The following BRINP2 variants were observed in gnomAD, a reference collection of about 807,000 sequenced individuals.
The protein encoded by BRINP2 is BMP/retinoic acid inducible neural specific 2.
A neutral mutation model predicts 69.2 loss-of-function variants in BRINP2; 21 were observed. That is an observed-to-expected ratio of 0.30 (90% confidence interval 0.22 to 0.44). BRINP2 has a LOEUF of 0.44. BRINP2 is among the 20% of genes least tolerant of loss of function. BRINP2 has a pLI of 1.00. For missense variants in BRINP2, 877 were observed against 986.0 expected (o/e 0.89, Z 1.48); for synonymous variants, 380 against 394.1 (o/e 0.96, Z 0.42).
rs758819923 is a variant in BRINP2 at position 177,257,280 on chromosome 1, G to C, written c.565G>C (p.Val189Leu). ...IIGGSGNSTA[V>L]SLETLHQLAA... ...CGGGGGCAGTGGGAACAGCACAGCT[G>C]TGTCCCTGGAGACCCTGCACCAGCT... Residue 189 changes from valine (V) to leucine (L), a missense_variant, in exon 4 of 8, where the codon GTG becomes CTG. By Grantham distance (32) the Val-to-Leu change is conservative. Coordinates refer to ENST00000361539, the MANE Select transcript of BRINP2 (RefSeq NM_021165.4). The C allele has an allele frequency of 4.3e-6, 7 of 1,614,126 alleles. No homozygotes were observed. The Admixed American group carries it at 1.0e-4, about 23-fold the overall frequency.
chr1:177,214,054 T>C (rs545664680), intron 1 of BRINP2, among the ~76,000 whole-genome samples: 1 of 152,216 alleles, frequency 6.6e-6, no homozygotes, highest in Admixed American at 6.5e-5. Flanking sequence ...GCTCTTAATT[T>C]TGCACAAGGA....
At chr1:177,180,287 G>T (rs1262603995) in intron 1 of BRINP2, among the ~76,000 whole-genome samples, 1 of 152,162 alleles carries the variant, frequency 6.6e-6, no homozygotes, top group Non-Finnish European at 1.5e-5. Flanking sequence ...TTCCACCCTG[G>T]GTGGCTCTGA....
intron 1 of BRINP2, among the ~76,000 whole-genome samples, chr1:177,226,966 A>T (rs1291210971): frequency 1.3e-5 from 2 of 151,968 alleles, no homozygotes; most frequent in Non-Finnish European, 2.9e-5. Flanking sequence ...GGTCAGTTCC[A>T]CCCCGGGTAT....
chr1:177,219,271 C>T (rs1346170793), intron 1 of BRINP2, among the ~76,000 whole-genome samples: 2 of 152,182 alleles, frequency 1.3e-5, no homozygotes, highest in Non-Finnish European at 2.9e-5. Flanking sequence ...TGATTGCACC[C>T]CGTTGTCTCC....
At position 177,252,797 on chromosome 1, in the gene BRINP2, C is replaced by T. The variant is rs192732153; in HGVS notation, c.270-3122C>T. On this transcript the variant is annotated intron_variant, in intron 2 of 7. Coordinates refer to ENST00000361539, the MANE Select transcript of BRINP2 (RefSeq NM_021165.4). ...TTCCATGAGATCAACTTTTTTAGAC[C>T]TACATATGAGTGAGGTTATGTGGTA... 4.7e-4 allele frequency among the ~76,000 whole-genome samples: 72 copies of T among 152,206 alleles called. 1 individual carries two copies. The highest frequency in any genetic ancestry group is 1.9e-4 in the East Asian group (1 of 5,176).
At chr1:177,229,763 A>C (rs559868635) in intron 1 of BRINP2, 38 bp from the exon 2 acceptor site, 1 of 1,413,626 alleles carries the variant, frequency 7.1e-7, no homozygotes, top group Non-Finnish European at 9.5e-7. Context: ...ATGGGGTAAC[A>C]GGGTGCTCAA....
intron 1 of BRINP2, among the ~76,000 whole-genome samples, chr1:177,172,795 T>C (rs1458713786): frequency 6.6e-6 from 1 of 152,226 alleles, no homozygotes; most frequent in Non-Finnish European, 1.5e-5. Flanking sequence ...AACAAATGTT[T>C]TGTTAAAAGG....
chr1:177,269,332 G>A (rs1313307687), intron 4 of BRINP2, among the ~76,000 whole-genome samples: 1 of 152,232 alleles, frequency 6.6e-6, no homozygotes, highest in African/African-American at 2.4e-5. Flanking sequence ...GTGAAGGGTT[G>A]TATACATAGA....
intron 2 of BRINP2, among the ~76,000 whole-genome samples, chr1:177,236,238 C>T (rs893712384): frequency 5.9e-5 from 9 of 152,188 alleles, no homozygotes; most frequent in African/African-American, 9.7e-5. Flanking sequence ...TTAGGCCTTC[C>T]GCCCAAGGAA....
chr1:177,276,319 C>A lies in BRINP2; in HGVS notation c.897C>A (p.Cys299Ter). The A allele has an allele frequency of 6.2e-7, 1 of 1,614,214 alleles. No homozygotes were observed. The highest frequency in any genetic ancestry group is 8.5e-7 in the Non-Finnish European group (1 of 1,180,048). Residue 299 changes from cysteine (C) to a stop codon, truncating the protein, a stop_gained, in exon 6 of 8, where the codon TGC (cysteine) becomes TGA (stop). Transcript: ENST00000361539. LOFTEE classifies it high-confidence loss of function. Reference sequence around the variant, plus strand: ...AGGAGAATGACTGCTGGTGCAAGTGCAGCCCCACCTTCCCTGAATGCAACT... The same window carrying A: ...AGGAGAATGACTGCTGGTGCAAGTGAAGCCCCACCTTCCCTGAATGCAACT... ...VCKENDCWCK[C>*]SPTFPECNCP...
chr1:177,223,476 G>C lies in BRINP2; in HGVS notation c.-76-6325G>C, dbSNP rs78254610. ...ACTCCCATCCCTTGGGACAGTCCTT[G>C]TGCATAGACATTACTTAATAACTGA... is the stretch of plus-strand genomic sequence containing the variant. On this transcript the variant is annotated intron_variant, in intron 1 of 7. Coordinates refer to ENST00000361539, the MANE Select transcript of BRINP2 (RefSeq NM_021165.4). Among the ~76,000 whole-genome samples the C allele has an allele frequency of 4.4e-3, 674 of 152,250 alleles. 6 individuals carry two copies. The highest frequency in any genetic ancestry group is 0.015 in the African/African-American group (608 of 41,532).
chr1:177,249,374 A>T (rs1284479344), intron 2 of BRINP2, among the ~76,000 whole-genome samples: 1 of 152,230 alleles, frequency 6.6e-6, no homozygotes, highest in East Asian at 1.9e-4. Flanking sequence ...TGCAATGTGA[A>T]TGCATTTTAC....
intron 1 of BRINP2, among the ~76,000 whole-genome samples, chr1:177,198,398 T>C (rs574710352): frequency 6.6e-6 from 1 of 152,326 alleles, no homozygotes; most frequent in Admixed American, 6.5e-5. Context: ...ATGTGGTGCC[T>C]ATTTAATTTT....
intron 1 of BRINP2, among the ~76,000 whole-genome samples, chr1:177,172,430 C>T (rs758063511): frequency 2.6e-5 from 4 of 152,132 alleles, no homozygotes; most frequent in African/African-American, 4.8e-5. Flanking sequence ...GGTACACTGT[C>T]GAATGCTGCC....
At chr1:177,180,669 G>C (rs1648219046) in intron 1 of BRINP2, among the ~76,000 whole-genome samples, 1 of 152,090 alleles carries the variant, frequency 6.6e-6, no homozygotes, top group African/African-American at 2.4e-5. Context: ...GGCCTAGGGG[G>C]TCTGGAGCTC....
chr1:177,256,588 G>T, intron 3 of BRINP2: 4 of 985,428 alleles, frequency 4.1e-6, no homozygotes, highest in Non-Finnish European at 4.8e-6. Context: ...GGCGGAGAGT[G>T]GGGGTAGGGT....
At chr1:177,279,316 G>T (rs537810325) in intron 7 of BRINP2, among the ~76,000 whole-genome samples, 1 of 152,202 alleles carries the variant, frequency 6.6e-6, no homozygotes, top group East Asian at 1.9e-4. Context: ...CTATTAAGCT[G>T]CAGGGGTATT....
At chr1:177,217,674 T>C (rs1474542229) in intron 1 of BRINP2, among the ~76,000 whole-genome samples, 1 of 152,206 alleles carries the variant, frequency 6.6e-6, no homozygotes, top group Non-Finnish European at 1.5e-5. Context: ...CTAGTTAATC[T>C]ACCCCTATGA....
chr1:177,273,262 T>G (rs1651388540), intron 4 of BRINP2, among the ~76,000 whole-genome samples: 1 of 152,228 alleles, frequency 6.6e-6, no homozygotes, highest in African/African-American at 2.4e-5. Context: ...TGAAAGGCTC[T>G]TACTTATATA....
Sources: allele counts gnomAD v4.1 joint callset (sites outside exome capture counted in the v4.1 genomes callset), GRCh38; gene constraint gnomAD v4.1.1; transcripts MANE v1.5; gene names NCBI Gene and HGNC (gene_info 2026-07-23, HGNC 2026-07-21).